The following DLG1 variants were observed in gnomAD, a reference collection of about 807,000 sequenced individuals.
DLG1 encodes discs large MAGUK scaffold protein 1.
Under a neutral mutation model 123.4 loss-of-function variants are expected in DLG1, and 42 were observed. The ratio of observed to expected loss-of-function variants is 0.34; its 90% CI spans 0.27 to 0.44. DLG1 has a LOEUF of 0.44. Among genes scored for constraint, DLG1 ranks in the 20% least tolerant of loss-of-function variants. The pLI is 1.00. For synonymous variants in DLG1, 317 were observed against 356.2 expected, an observed-to-expected ratio of 0.89 and a Z score of 1.24; for missense variants, 942 against 1,082.6, an observed-to-expected ratio of 0.87 and a Z score of 1.82.
intron 3 of DLG1, 24 bp downstream of exon 3, chr3:197,296,320 AAT>A: frequency 6.2e-7 from 1 of 1,605,224 alleles, no homozygotes; most frequent in South Asian, 1.1e-5. Context: ...TAGCTGGCAT[AAT>A]AGTTACGAAG....
chr3:197,183,579 G>C, intron 5 of DLG1: 1 of 1,550,174 alleles, frequency 6.5e-7, no homozygotes, highest in Non-Finnish European at 8.7e-7. Flanking sequence ...TGTTACCTGG[G>C]TGGAGCTGGT....
At position 197,198,487 on chromosome 3, in the gene DLG1, CAAAAAA is replaced by C. The variant is rs5855568; in HGVS notation, c.319-3904_319-3899del. On this transcript the variant is annotated intron_variant, in intron 4 of 24. Coordinates refer to ENST00000667157, the MANE Select transcript of DLG1 (RefSeq NM_001366207.1). ...GGGTGACACAGCGAGACTCAGTCTC[CAAAAAA>C]AAAAAAAAAGACAAACCAAACAATG... Among the ~76,000 whole-genome samples the C allele has an allele frequency of 8.2e-5, 9 of 109,666 alleles. No individual in the cohort carries two copies. In the Admixed American group the frequency reaches 9.2e-4, roughly 11 times the overall value. 71.9% of individuals were successfully genotyped at this position (109,666 alleles called of 152,430 possible).
chr3:197,095,150 CTG>C (rs780331551), intron 14 of DLG1, among the ~76,000 whole-genome samples: 10 of 152,220 alleles, frequency 6.6e-5, no homozygotes, highest in Non-Finnish European at 1.2e-4. Context: ...CAATCACAAA[CTG>C]TTTTTCCTGA....
intron 20 of DLG1, among the ~76,000 whole-genome samples, 160 bp from the exon 21 acceptor site, chr3:197,065,969 T>C (rs1317041893): frequency 3.3e-5 from 5 of 152,240 alleles, no homozygotes; most frequent in Non-Finnish European, 7.3e-5. Context: ...AACTTGCTCT[T>C]TTATAATCTT....
chr3:197,143,666 C>G (rs779633786), intron 6 of DLG1, among the ~76,000 whole-genome samples: 3 of 152,214 alleles, frequency 2.0e-5, no homozygotes, highest in Non-Finnish European at 4.4e-5. Context: ...TTCGAATGAA[C>G]TGACCCCAAT....
intron 4 of DLG1, among the ~76,000 whole-genome samples, chr3:197,250,502 G>A (rs565352386): frequency 1.3e-5 from 2 of 151,778 alleles, no homozygotes; most frequent in African/African-American, 4.8e-5. Context: ...CTGCAAGACA[G>A]AGGTTGCAGT....
chr3:197,286,510 A>T (rs1280718578), intron 3 of DLG1, among the ~76,000 whole-genome samples: 1 of 152,142 alleles, frequency 6.6e-6, no homozygotes, highest in Non-Finnish European at 1.5e-5. Flanking sequence ...CGGGAGGCAG[A>T]GCTCAGGTGG....
At position 197,115,930 on chromosome 3, in the gene DLG1, T is replaced by C. The variant is rs1353102906; in HGVS notation, c.1440A>G (p.Ile480Met). 3 of 1,612,010 alleles carry C rather than the reference T, an allele frequency of 1.9e-6. No individual in the cohort carries two copies. The highest frequency in any genetic ancestry group is 1.3e-5 in the African/African-American group (1 of 74,816). The change falls in exon 13 of 25, where the codon ATA becomes ATG. Residue 480 changes from isoleucine to methionine, a missense_variant. By Grantham distance (10) the Ile-to-Met change is conservative. Transcript: ENST00000667157. The stretch of plus-strand genomic sequence containing the variant: ...GATCTTGACTAACGTGTCTTACCGA[T>C]ATAATACGATCTCCTTTTCTGAGCT... ...SGELRKGDRI[I>M]SVNSVDLRAA... is the part of the protein sequence containing the mutation.
At chr3:197,185,562 T>G (rs1256339607) in intron 5 of DLG1, among the ~76,000 whole-genome samples, 1 of 152,122 alleles carries the variant, frequency 6.6e-6, no homozygotes, top group Non-Finnish European at 1.5e-5. Flanking sequence ...GACAGGTAAC[T>G]AAGAATCCTC....
intron 11 of DLG1, among the ~76,000 whole-genome samples, chr3:197,127,665 G>A (rs1041529902): frequency 1.3e-4 from 20 of 150,970 alleles, no homozygotes; most frequent in African/African-American, 4.1e-4. Flanking sequence ...TAGATATATT[G>A]TAAATCAGTG....
At chr3:197,190,346 C>A (rs1180774842) in intron 5 of DLG1, among the ~76,000 whole-genome samples, 1 of 151,760 alleles carries the variant, frequency 6.6e-6, no homozygotes, top group Admixed American at 6.6e-5. Context: ...CCCCGTGAAT[C>A]CTCGCATACT....
At chr3:197,275,694 T>G (rs1478375411) in intron 4 of DLG1, among the ~76,000 whole-genome samples, 2 of 152,108 alleles carry the variant, frequency 1.3e-5, no homozygotes, top group Non-Finnish European at 2.9e-5. Flanking sequence ...AAAAAGCTGA[T>G]CCCATGGAGT....
At chr3:197,136,950 GA>G (rs1785341696) in intron 9 of DLG1, among the ~76,000 whole-genome samples, 1 of 152,096 alleles carries the variant, frequency 6.6e-6, no homozygotes, top group Non-Finnish European at 1.5e-5. Context: ...GTGACATTGC[GA>G]AATTATGTTT....
At chr3:197,124,193 T>C (rs1333058343) in intron 11 of DLG1, among the ~76,000 whole-genome samples, 1 of 152,192 alleles carries the variant, frequency 6.6e-6, no homozygotes, top group Admixed American at 6.5e-5. Context: ...ATCGTGTCAC[T>C]CCACTGCAGC....
At chr3:197,074,691 T>C (rs762238056) in intron 18 of DLG1, among the ~76,000 whole-genome samples, 10 of 152,010 alleles carry the variant, frequency 6.6e-5, no homozygotes, top group Non-Finnish European at 1.2e-4. Context: ...CCTTACTAAA[T>C]CCTATAAAGG....
chr3:197,191,592 T>C (rs1160277459), intron 5 of DLG1, among the ~76,000 whole-genome samples: 1 of 152,104 alleles, frequency 6.6e-6, no homozygotes, highest in Non-Finnish European at 1.5e-5. Context: ...ATAAAAAAAT[T>C]ATACATATCC....
In DLG1 at chr3:197,211,558, T is replaced by C. The variant is rs1474473052; in HGVS notation, c.319-16969A>G. ...AATGCAAATCAAACACACAATGAGATACCATCTCCCACCTGTCAGAGTGGT... is the reference window on the plus strand; with the variant it reads ...AATGCAAATCAAACACACAATGAGACACCATCTCCCACCTGTCAGAGTGGT... On this transcript the variant is annotated intron_variant, in intron 4 of 24. Transcript: ENST00000667157. 2.1e-5 allele frequency among the ~76,000 whole-genome samples: 3 copies of C among 146,004 alleles called. 1 individual carries two copies. Among genetic ancestry groups the C allele is most frequent in the Non-Finnish European group, 4.6e-5 (3 of 65,078 alleles).
intron 5 of DLG1, among the ~76,000 whole-genome samples, chr3:197,155,848 C>T (rs1796178586): frequency 6.6e-6 from 1 of 152,086 alleles, no homozygotes; most frequent in Admixed American, 6.5e-5. Context: ...ATTCAGGAGA[C>T]TGAGGCGGGA....
Position 197,296,424 on chromosome 3 carries a change from T to C in DLG1, c.73A>G (p.Thr25Ala), listed in dbSNP as rs768255606. Reference sequence around the variant, plus strand: ...GAACTTCTGAGCTGTCTGTCTTCAGTTTGGCTTAGTTTTGAACGATATTCC... The same window carrying C: ...GAACTTCTGAGCTGTCTGTCTTCAGCTTGGCTTAGTTTTGAACGATATTCC... ...LEEYRSKLSQ[T>A]EDRQLRSSIE... Residue 25 changes from threonine (T) to alanine (A), a missense_variant, in exon 3 of 25, where the codon ACT becomes GCT. Transcript: ENST00000667157. 23 of 1,613,578 alleles carry C rather than the reference T, an allele frequency of 1.4e-5. No individual in the cohort carries two copies. Among genetic ancestry groups the C allele is most frequent in the Non-Finnish European group, 1.9e-5 (22 of 1,179,666 alleles).
Sources: allele counts gnomAD v4.1 joint callset (sites outside exome capture counted in the v4.1 genomes callset), GRCh38; gene constraint gnomAD v4.1.1; transcripts MANE v1.5; gene names NCBI Gene and HGNC (gene_info 2026-07-23, HGNC 2026-07-21).